The following SIM1 variants were observed in gnomAD, a reference collection of about 807,000 sequenced individuals.
SIM1 encodes single-minded homolog 1.
Under a neutral mutation model 78.2 loss-of-function variants are expected in SIM1, and 18 were observed. The observed-to-expected ratio is 0.23, with a 90% confidence interval of 0.16 to 0.34. The LOEUF (loss-of-function observed/expected upper bound fraction) is 0.34. SIM1 is among the 10% of genes least tolerant of loss of function. The pLI, the probability that SIM1 is intolerant of heterozygous loss-of-function variation, is 1.00. For synonymous variants in SIM1, 417 were observed against 385.2 expected (o/e 1.08, Z -0.97); for missense variants, 939 against 975.1 (o/e 0.96, Z 0.49).
intron 2 of SIM1, among the ~76,000 whole-genome samples, chr6:100,458,507 C>T (rs1009214739): frequency 2.0e-5 from 3 of 152,180 alleles, no homozygotes; most frequent in Admixed American, 6.5e-5. Flanking sequence ...GGACAGTGGC[C>T]GGGAGGGCAG....
At chr6:100,455,797 T>G (rs968704612) in intron 2 of SIM1, among the ~76,000 whole-genome samples, 12 of 152,172 alleles carry the variant, frequency 7.9e-5, no homozygotes, top group Non-Finnish European at 5.9e-5. Context: ...CGCTGAGCAT[T>G]TTGAAGGCCT....
chr6:100,433,752 A>G (rs1414562654), intron 9 of SIM1, among the ~76,000 whole-genome samples: 1 of 119,296 alleles, frequency 8.4e-6, no homozygotes, highest in African/African-American at 3.2e-5. Context: ...ACACACACAC[A>G]CACACACACA....
intron 10 of SIM1, among the ~76,000 whole-genome samples, chr6:100,397,514 TA>T (rs912784786): frequency 2.0e-5 from 3 of 151,822 alleles, no homozygotes; most frequent in Non-Finnish European, 2.9e-5. Context: ...ACAGCTTATA[TA>T]AAAAAAACTC....
At chr6:100,426,720 CAAGATT>C (rs1212326427) in intron 9 of SIM1, among the ~76,000 whole-genome samples, 1 of 152,168 alleles carries the variant, frequency 6.6e-6, no homozygotes, top group Non-Finnish European at 1.5e-5. Context: ...CTTGTTGATT[CAAGATT>C]ATTTGCAAGA....
chr6:100,453,620 G>A (rs1272050466), intron 3 of SIM1, 142 bp downstream of exon 3: 1 of 631,648 alleles, frequency 1.6e-6, no homozygotes, highest in Non-Finnish European at 2.7e-6. Context: ...AGAGGGCCAC[G>A]TGCAGTCCGG....
Position 100,463,280 on chromosome 6 carries a change from G to A in SIM1, c.175+14C>T, listed in dbSNP as rs1421537140. ...CTTCTGCCTTTGAAATTCCATCTGG[G>A]CAAAGTCACTTACCTTCTGGGAACA... On this transcript the variant is annotated intron_variant, in intron 2 of 11. Coordinates refer to ENST00000369208, the MANE Select transcript of SIM1 (RefSeq NM_005068.3). The A allele has an allele frequency of 6.3e-7, 1 of 1,595,282 alleles. No homozygotes were observed. Among genetic ancestry groups the A allele is most frequent in the Non-Finnish European group, 8.6e-7 (1 of 1,165,262 alleles).
Position 100,390,828 on chromosome 6 carries a change from G to T in SIM1, c.1834C>A (p.Pro612Thr). The change falls in exon 12 of 12, where the codon CCC becomes ACC. Residue 612 changes from proline to threonine, a missense_variant. Coordinates refer to ENST00000369208, the MANE Select transcript of SIM1 (RefSeq NM_005068.3). Reference protein sequence around the residue: ...HSLCFANYQQPPPTGEVCHGS... With the variant: ...HSLCFANYQQTPPTGEVCHGS... ...TGGCAGACTTCACCTGTTGGTGGGG[G>T]CTGTTGGTAGTTTGCAAAACACAGG... is the stretch of plus-strand genomic sequence containing the variant. The T allele has an allele frequency of 6.2e-7, 1 of 1,614,194 alleles. No homozygotes were observed. The highest frequency in any genetic ancestry group is 8.5e-7 in the Non-Finnish European group (1 of 1,180,022).
chr6:100,463,224 G>T, intron 2 of SIM1, 70 bp downstream of exon 2: 1 of 1,379,208 alleles, frequency 7.3e-7, no homozygotes, highest in Non-Finnish European at 1.0e-6. Context: ...GGTCACTGAT[G>T]TCGGCTCATT....
chr6:100,412,699 G>T (rs1582620950), intron 10 of SIM1, among the ~76,000 whole-genome samples: 2 of 96,950 alleles, frequency 2.1e-5, no homozygotes, highest in African/African-American at 8.4e-5. Flanking sequence ...AAGAAAGAAA[G>T]AAAGAAAGAA....
At chr6:100,408,073 C>G (rs953544740) in intron 10 of SIM1, among the ~76,000 whole-genome samples, 1 of 152,016 alleles carries the variant, frequency 6.6e-6, no homozygotes, top group Admixed American at 6.5e-5. Context: ...TGTCAAGGAG[C>G]TTTTTCCCTA....
chr6:100,432,283 A>C (rs1362060164), intron 9 of SIM1, among the ~76,000 whole-genome samples: 1 of 152,220 alleles, frequency 6.6e-6, no homozygotes, highest in East Asian at 1.9e-4. Flanking sequence ...GTTAACACAC[A>C]GCTTGCTGGG....
In SIM1 at chr6:100,387,648, C is replaced by T. The variant is rs1484626878; in HGVS notation, c.*2713G>A. The T allele has an allele frequency of 6.6e-6, 1 of 152,002 alleles. No homozygotes were observed. The highest frequency in any genetic ancestry group is 1.5e-5 in the Non-Finnish European group (1 of 67,930). The allele number at this position is 152,002 out of a possible 1,614,324, so 9.4% of individuals were successfully genotyped here. ...TTTTAAAATGGTTATGTACTTAAAA[C>T]TGGGTCAATCTACCAAAATTTTGAA... On this transcript the variant is annotated 3_prime_UTR_variant, in exon 12 of 12. Coordinates refer to ENST00000369208, the MANE Select transcript of SIM1 (RefSeq NM_005068.3).
intron 9 of SIM1, among the ~76,000 whole-genome samples, chr6:100,444,931 C>T (rs995682665): frequency 2.0e-5 from 3 of 152,058 alleles, no homozygotes; most frequent in African/African-American, 7.2e-5. Flanking sequence ...ATTTGAAAAA[C>T]ATCTGGCATG....
chr6:100,385,883 C>A lies in SIM1; in HGVS notation c.*4478G>T, dbSNP rs1170603470. ...TTTGAGTTAAGCACTATCTGTACAA[C>A]CCTTACAAGAAATTAGCACCACACA... On this transcript the variant is annotated 3_prime_UTR_variant, in exon 12 of 12. Transcript: ENST00000369208. 1.3e-5 allele frequency: 2 copies of A among 151,922 alleles called. No individual in the cohort carries two copies. Among genetic ancestry groups the A allele is most frequent in the African/African-American group, 2.4e-5 (1 of 41,382 alleles). 9.4% of individuals were successfully genotyped at this position (151,922 alleles called of 1,614,324 possible).
chr6:100,404,376 A>G (rs1771002197), intron 10 of SIM1, among the ~76,000 whole-genome samples: 1 of 152,224 alleles, frequency 6.6e-6, no homozygotes, highest in Non-Finnish European at 1.5e-5. Context: ...TGTAAAATAT[A>G]TAAAGAGACC....
chr6:100,453,933 G>T, intron 2 of SIM1, 89 bp from the exon 3 acceptor site: 1 of 933,456 alleles, frequency 1.1e-6, no homozygotes, highest in Non-Finnish European at 1.6e-6. Flanking sequence ...TTACCCGAGT[G>T]CCGGCCCCTT....
chr6:100,407,849 G>T (rs563917859), intron 10 of SIM1, among the ~76,000 whole-genome samples: 1 of 151,510 alleles, frequency 6.6e-6, no homozygotes, highest in South Asian at 2.1e-4. Flanking sequence ...TTTTGCTATT[G>T]AGTTGTACAA....
intron 10 of SIM1, among the ~76,000 whole-genome samples, chr6:100,395,127 T>C (rs1770737047): frequency 6.6e-6 from 1 of 152,166 alleles, no homozygotes; most frequent in African/African-American, 2.4e-5. Flanking sequence ...AAATCAGTAA[T>C]ATAACAATAA....
At chr6:100,405,491 AC>A (rs1771030098) in intron 10 of SIM1, among the ~76,000 whole-genome samples, 1 of 152,192 alleles carries the variant, frequency 6.6e-6, no homozygotes, top group African/African-American at 2.4e-5. Context: ...GTATTTATTC[AC>A]AAGATTTCCC....
Sources: allele counts gnomAD v4.1 joint callset (sites outside exome capture counted in the v4.1 genomes callset), GRCh38; gene constraint gnomAD v4.1.1; transcripts MANE v1.5; gene names NCBI Gene and HGNC (gene_info 2026-07-23, HGNC 2026-07-21).